PTN: variants seen among roughly 807,000 people sequenced by gnomAD.
The protein encoded by PTN is heparin affin regulatory protein.
In PTN, 18 loss-of-function variants were observed where a neutral mutation model predicts 24.1. The observed-to-expected ratio is 0.75, with a 90% CI of 0.52 to 1.11. PTN has a LOEUF of 1.11. PTN is among the 50% of genes least tolerant of loss of function. The pLI, the probability that PTN is intolerant of heterozygous loss-of-function variation, is 0.00. For synonymous variants in PTN, 78 were observed against 68.6 expected (o/e 1.14, Z -0.67); for missense variants, 163 against 198.8 (o/e 0.82, Z 1.08).
chr7:137,297,247 T>C (rs531808831), intron 1 of PTN, among the ~76,000 whole-genome samples: 189 of 152,228 alleles, frequency 1.2e-3, no homozygotes, highest in African/African-American at 4.3e-3. Flanking sequence ...TAAATTTGGT[T>C]TGGATATAGT....
At chr7:137,253,762 T>C (rs1349810834) in intron 2 of PTN, 125 bp from the exon 3 acceptor site, 3 of 782,104 alleles carry the variant, frequency 3.8e-6, no homozygotes, top group Non-Finnish European at 5.5e-6. Context: ...CCTTATTGTC[T>C]AATGAATAGT....
intron 1 of PTN, among the ~76,000 whole-genome samples, chr7:137,263,116 C>A (rs1388890339): frequency 1.3e-5 from 2 of 152,150 alleles, no homozygotes; most frequent in African/African-American, 4.8e-5. Flanking sequence ...TGTGCTGAAG[C>A]ATTTTGGTGA....
intron 1 of PTN, among the ~76,000 whole-genome samples, chr7:137,317,425 G>A (rs530076474): frequency 1.3e-5 from 2 of 152,196 alleles, no homozygotes; most frequent in Non-Finnish European, 2.9e-5. Flanking sequence ...ACTGAGAAGT[G>A]GGTGTATGTG....
chr7:137,321,840 A>G (rs1810167566), intron 1 of PTN, among the ~76,000 whole-genome samples: 1 of 152,344 alleles, frequency 6.6e-6, no homozygotes, highest in Admixed American at 6.5e-5. Flanking sequence ...TAAATTAATT[A>G]TTGGCTTTGA....
chr7:137,281,158 C>T (rs1471894425), intron 1 of PTN, among the ~76,000 whole-genome samples: 1 of 151,792 alleles, frequency 6.6e-6, no homozygotes, highest in Non-Finnish European at 1.5e-5. Context: ...TGCCACGTGA[C>T]CTAATGAAAG....
chr7:137,281,253 CA>C (rs776816443), intron 1 of PTN, among the ~76,000 whole-genome samples: 159 of 127,578 alleles, frequency 1.2e-3, no homozygotes, highest in East Asian at 7.2e-3. Context: ...TGGTATCACT[CA>C]AAAAAAAAAA....
intron 4 of PTN, among the ~76,000 whole-genome samples, chr7:137,242,478 T>A (rs1013300763): frequency 1.3e-5 from 2 of 152,160 alleles, no homozygotes; most frequent in African/African-American, 4.8e-5. Flanking sequence ...TGTGCCCATC[T>A]CTGCCAGTCC....
At chr7:137,310,039 T>C (rs973793243) in intron 1 of PTN, among the ~76,000 whole-genome samples, 3 of 152,220 alleles carry the variant, frequency 2.0e-5, no homozygotes, top group African/African-American at 7.2e-5. Context: ...ATTTCTTACA[T>C]ATAACTTGAA....
intron 1 of PTN, among the ~76,000 whole-genome samples, chr7:137,320,059 C>T (rs1474260545): frequency 2.0e-5 from 3 of 152,154 alleles, no homozygotes; most frequent in African/African-American, 4.8e-5. Flanking sequence ...TTCCCTTGCA[C>T]GATATGTATC....
At chr7:137,325,078 A>C (rs1810236798) in intron 1 of PTN, among the ~76,000 whole-genome samples, 1 of 152,162 alleles carries the variant, frequency 6.6e-6, no homozygotes, top group Admixed American at 6.6e-5. Context: ...GTGAAATTGC[A>C]AGATTTTACC....
chr7:137,338,063 AG>A (rs1359353211), intron 1 of PTN, among the ~76,000 whole-genome samples: 1 of 152,104 alleles, frequency 6.6e-6, no homozygotes, highest in African/African-American at 2.4e-5. Context: ...AGTCACTATA[AG>A]GGGTGATGGG....
intron 4 of PTN, among the ~76,000 whole-genome samples, chr7:137,250,819 T>G (rs934851301): frequency 6.6e-6 from 1 of 152,230 alleles, no homozygotes; most frequent in African/African-American, 2.4e-5. Context: ...ATAATTTTCC[T>G]GATTTTGTGA....
chr7:137,311,134 A>G (rs1332513830), intron 1 of PTN, among the ~76,000 whole-genome samples: 1 of 151,112 alleles, frequency 6.6e-6, no homozygotes, highest in Non-Finnish European at 1.5e-5. Flanking sequence ...TGAGAGGCTG[A>G]GGCATGAGAA....
intron 1 of PTN, among the ~76,000 whole-genome samples, chr7:137,319,695 CCGGA>C (rs1296864927): frequency 6.6e-6 from 1 of 152,160 alleles, no homozygotes; most frequent in Non-Finnish European, 1.5e-5. Flanking sequence ...AGATGAGAAG[CCGGA>C]CAAACTGCCA....
At chr7:137,311,049 T>G (rs1186939815) in intron 1 of PTN, among the ~76,000 whole-genome samples, 2 of 151,912 alleles carry the variant, frequency 1.3e-5, no homozygotes, top group African/African-American at 4.8e-5. Context: ...CTGGTCAACA[T>G]GGCAAAACCT....
At chr7:137,245,282 T>C (rs1808703489) in intron 4 of PTN, among the ~76,000 whole-genome samples, 1 of 152,194 alleles carries the variant, frequency 6.6e-6, no homozygotes, top group African/African-American at 2.4e-5. Context: ...GCTGAGTGAC[T>C]AGATTATACG....
intron 1 of PTN, among the ~76,000 whole-genome samples, chr7:137,302,144 A>G (rs1404349912): frequency 6.6e-6 from 1 of 152,026 alleles, no homozygotes; most frequent in Non-Finnish European, 1.5e-5. Flanking sequence ...GCTTAAAAAG[A>G]TGTTGTGCAT....
intron 1 of PTN, among the ~76,000 whole-genome samples, chr7:137,339,212 T>G (rs974137383): frequency 2.6e-4 from 39 of 152,028 alleles, no homozygotes; most frequent in Admixed American, 6.6e-5. Flanking sequence ...TTAATTGAGA[T>G]CTCCTTTAAA....
chr7:137,243,306 A>G (rs901080401), intron 4 of PTN, among the ~76,000 whole-genome samples: 1 of 152,172 alleles, frequency 6.6e-6, no homozygotes, highest in African/African-American at 2.4e-5. Flanking sequence ...TTGTTTGCAG[A>G]TCAATTATTC....
Sources: allele counts gnomAD v4.1 joint callset (sites outside exome capture counted in the v4.1 genomes callset), GRCh38; gene constraint gnomAD v4.1.1; transcripts MANE v1.5; gene names NCBI Gene and HGNC (gene_info 2026-07-23, HGNC 2026-07-21).